FAM133A: variants seen among roughly 807,000 people sequenced by gnomAD.
FAM133A encodes the protein family with sequence similarity 133 member A, also known as protein FAM133A.
For synonymous variants in FAM133A, 65 were observed against 58.6 expected, an observed-to-expected ratio of 1.11 and a Z score of -0.50; for missense variants, 159 against 164.4, an observed-to-expected ratio of 0.97 and a Z score of 0.18.
intron 2 of FAM133A, among the ~76,000 whole-genome samples, chrX:93,696,891 G>A (rs886858199): frequency 5.8e-5 from 6 of 103,740 alleles, no homozygotes; most frequent in Non-Finnish European, 1.2e-4. Flanking sequence ...CTGCACTCCA[G>A]CCTGGGCGAT....
intron 2 of FAM133A, among the ~76,000 whole-genome samples, chrX:93,679,119 C>A (rs949533802): frequency 9.0e-6 from 1 of 111,205 alleles, no homozygotes; most frequent in Non-Finnish European, 1.9e-5. Context: ...TATTCAGGAG[C>A]ACAAATAATG....
rs934450826 is a variant in FAM133A, at chrX:93,712,045, T to A, written c.*1879T>A. On this transcript the variant is annotated 3_prime_UTR_variant, in exon 4 of 4. Coordinates refer to ENST00000683942, the MANE Select transcript of FAM133A (RefSeq NM_001171109.2). ...CAAGCAGAGGGATTGTAAACAGAAGTGATTTTCTATTTCCATGTTGGACTG... is the reference window on the plus strand; with the variant it reads ...CAAGCAGAGGGATTGTAAACAGAAGAGATTTTCTATTTCCATGTTGGACTG... 15 of 123,106 alleles carry A rather than the reference T, an allele frequency of 1.2e-4. No homozygotes were observed. Among genetic ancestry groups the A allele is most frequent in the Non-Finnish European group, 2.3e-4 (12 of 53,198 alleles). The allele number at this position is 123,106 out of a possible 1,213,427, so 10.1% of individuals were successfully genotyped here.
intron 2 of FAM133A, among the ~76,000 whole-genome samples, chrX:93,677,924 A>G (rs972025115): frequency 2.7e-5 from 3 of 111,885 alleles, no homozygotes; most frequent in African/African-American, 9.7e-5. Context: ...AGAAAAATAC[A>G]TAGGAGTGGA....
intron 2 of FAM133A, among the ~76,000 whole-genome samples, chrX:93,679,915 AT>A (rs376335726): frequency 1.7e-3 from 104 of 62,186 alleles, no homozygotes; most frequent in East Asian, 2.1e-3. Flanking sequence ...CTCCTGGCAA[AT>A]TTTTTTTTTT....
intron 3 of FAM133A, among the ~76,000 whole-genome samples, chrX:93,703,627 T>C (rs1926864063): frequency 8.9e-6 from 1 of 112,617 alleles, no homozygotes; most frequent in Non-Finnish European, 1.9e-5. Context: ...GATGATTTGT[T>C]TTTCTGAATA....
intron 2 of FAM133A, among the ~76,000 whole-genome samples, chrX:93,693,330 A>G (rs1926014019): frequency 9.0e-6 from 1 of 111,143 alleles, no homozygotes; most frequent in Non-Finnish European, 1.9e-5. Flanking sequence ...TGTATTATGT[A>G]TAGGAGCCTC....
upstream of FAM133A, among the ~76,000 whole-genome samples, chrX:93,673,805 C>A (rs912076961): frequency 9.3e-6 from 1 of 107,683 alleles, no homozygotes; most frequent in Non-Finnish European, 1.9e-5. Flanking sequence ...GGAAGGTGTC[C>A]CCCTGCCCCC....
At chrX:93,695,480 T>C (rs1394486948) in intron 2 of FAM133A, among the ~76,000 whole-genome samples, 4 of 109,601 alleles carry the variant, frequency 3.6e-5, no homozygotes, top group Non-Finnish European at 7.6e-5. Context: ...CTCGAACTCC[T>C]GGCCTCAGGT....
At chrX:93,694,120 G>A (rs1213882742) in intron 2 of FAM133A, among the ~76,000 whole-genome samples, 1 of 110,330 alleles carries the variant, frequency 9.1e-6, no homozygotes, top group Non-Finnish European at 1.9e-5. Flanking sequence ...GAGAAGCAGA[G>A]GTAGAAATGC....
At chrX:93,699,452 T>C (rs1020446999) in intron 3 of FAM133A, among the ~76,000 whole-genome samples, 2 of 111,630 alleles carry the variant, frequency 1.8e-5, no homozygotes, top group Admixed American at 1.9e-4. Context: ...CATTGAGATA[T>C]TTCTGTCTAA....
chrX:93,674,040 G>A (rs978981837), upstream of FAM133A: 1 of 104,956 alleles, frequency 9.5e-6, no homozygotes, highest in Admixed American at 1.0e-4. Context: ...TCCAAATGGC[G>A]TCATTGGGTA....
chrX:93,705,312 A>C (rs1379378465), intron 3 of FAM133A, among the ~76,000 whole-genome samples: 1 of 112,001 alleles, frequency 8.9e-6, no homozygotes, highest in East Asian at 2.8e-4. Context: ...GTAGATGTAC[A>C]GAAAATCAAG....
At chrX:93,700,037 G>GTT (rs372112903) in intron 3 of FAM133A, among the ~76,000 whole-genome samples, 1 of 104,674 alleles carries the variant, frequency 9.6e-6, no homozygotes, top group Non-Finnish European at 2.0e-5. Flanking sequence ...TCTGATACAT[G>GTT]TTTTTTTTTT....
intron 3 of FAM133A, among the ~76,000 whole-genome samples, chrX:93,702,868 A>AAAC (rs1430333173): frequency 1.2e-5 from 1 of 82,881 alleles, no homozygotes; most frequent in Non-Finnish European, 2.3e-5. Context: ...AAAAAAAAAA[A>AAAC]AACAACACTA....
intron 2 of FAM133A, among the ~76,000 whole-genome samples, chrX:93,675,172 A>G (rs1924591255): frequency 8.9e-6 from 1 of 111,951 alleles, no homozygotes; most frequent in African/African-American, 3.2e-5. Flanking sequence ...TTGCAAAGAT[A>G]AAACAATATA....
intron 2 of FAM133A, among the ~76,000 whole-genome samples, chrX:93,683,352 A>T (rs1925291737): frequency 8.9e-6 from 1 of 111,976 alleles, no homozygotes; most frequent in Non-Finnish European, 1.9e-5. Context: ...TTTAATAAAC[A>T]GTACTCTATC....
intron 2 of FAM133A, among the ~76,000 whole-genome samples, chrX:93,696,179 G>A (rs1926252724): frequency 9.0e-6 from 1 of 111,420 alleles, no homozygotes; most frequent in Non-Finnish European, 1.9e-5. Context: ...GCGTTGAGGA[G>A]TTACCAGGCA....
intron 2 of FAM133A, among the ~76,000 whole-genome samples, chrX:93,698,170 A>T (rs774152554): frequency 9.0e-6 from 1 of 111,569 alleles, no homozygotes; most frequent in Non-Finnish European, 1.9e-5. Context: ...AGTTGTTTAC[A>T]ATTGAATAAA....
At chrX:93,686,549 G>A (rs903757232) in intron 2 of FAM133A, among the ~76,000 whole-genome samples, 4 of 112,104 alleles carry the variant, frequency 3.6e-5, no homozygotes, top group African/African-American at 9.7e-5. Context: ...TAGTGAGTCG[G>A]GTGTGGAAAC....
Sources: allele counts gnomAD v4.1 joint callset (sites outside exome capture counted in the v4.1 genomes callset), GRCh38; gene constraint gnomAD v4.1.1; transcripts MANE v1.5; gene names NCBI Gene and HGNC (gene_info 2026-07-23, HGNC 2026-07-21).